Variants in JAM2 observed in about 807,000 individuals in gnomAD.
The protein encoded by JAM2 is junctional adhesion molecule B.
JAM2 carries 17 observed loss-of-function variants against 42.0 expected under a neutral mutation model. The ratio of observed to expected loss-of-function variants is 0.40; its 90% CI spans 0.28 to 0.61. The LOEUF (loss-of-function observed/expected upper bound fraction) is 0.61, where lower values mean the gene tolerates loss of function less well. JAM2 is among the 20% of genes least tolerant of loss of function. The pLI is 0.37. For synonymous variants in JAM2, 118 were observed against 128.6 expected, an observed-to-expected ratio of 0.92 and a Z score of 0.56; for missense variants, 319 against 358.3, an observed-to-expected ratio of 0.89 and a Z score of 0.89.
rs57114985 is a variant in JAM2, at chr21:25,665,877, C to T, written c.68-18006C>T. On this transcript the variant is annotated intron_variant, in intron 1 of 9. Coordinates refer to ENST00000480456, the MANE Select transcript of JAM2 (RefSeq NM_021219.4). ...CAAACATGGCAAAATCCCATCTCTA[C>T]TAAAATGCAAAAATGAGCCAGGCGT... 9.9e-3 allele frequency among the ~76,000 whole-genome samples: 1,510 copies of T among 152,092 alleles called. 33 individuals are homozygous for T. Among genetic ancestry groups the T allele is most frequent in the African/African-American group, 0.034 (1,416 of 41,462 alleles).
At position 25,696,406 on chromosome 21, in the gene JAM2, G is replaced by A. The variant is rs549240526; in HGVS notation, c.395-2271G>A. On this transcript the variant is annotated intron_variant, in intron 4 of 9. Coordinates refer to ENST00000480456, the MANE Select transcript of JAM2 (RefSeq NM_021219.4). Reference sequence around the variant, plus strand: ...AGACGGAGACAGAGAGGGAGGGAGAGGGAGGAGGAGGGGGAGAGGGAGAGG... The same window carrying A: ...AGACGGAGACAGAGAGGGAGGGAGAAGGAGGAGGAGGGGGAGAGGGAGAGG... Among the ~76,000 whole-genome samples the A allele has an allele frequency of 5.3e-5, 8 of 152,224 alleles. No individual in the cohort carries two copies. The South Asian group carries it at 1.2e-3, about 24-fold the overall frequency.
At chr21:25,655,482 T>G (rs2032908592) in intron 1 of JAM2, among the ~76,000 whole-genome samples, 1 of 137,712 alleles carries the variant, frequency 7.3e-6, no homozygotes, top group South Asian at 2.2e-4. Flanking sequence ...AAACATCAGC[T>G]CTTTTTTTTT....
At chr21:25,703,609 T>C (rs1364828900) in intron 6 of JAM2, among the ~76,000 whole-genome samples, 1 of 152,190 alleles carries the variant, frequency 6.6e-6, no homozygotes, top group Non-Finnish European at 1.5e-5. Flanking sequence ...AAAGAAATTT[T>C]TTCAAAGTGC....
chr21:25,712,007 A>G (rs145884013), intron 8 of JAM2: 1 of 235,820 alleles, frequency 4.2e-6, no homozygotes, highest in Non-Finnish European at 8.4e-6. Context: ...AGATTATAAT[A>G]GTCAAGCTTT....
At chr21:25,643,913 A>G (rs1425361728) in intron 1 of JAM2, 5 of 152,126 alleles carry the variant, frequency 3.3e-5, no homozygotes. Context: ...CCTCATAGAG[A>G]AGATGTATTG....
chr21:25,703,747 C>T (rs2034214446), intron 6 of JAM2, among the ~76,000 whole-genome samples: 3 of 130,206 alleles, frequency 2.3e-5, no homozygotes, highest in African/African-American at 6.0e-5. Flanking sequence ...TGGTACCTTC[C>T]TTTTATAAAG....
Position 25,705,990 on chromosome 21 carries a change from A to C in JAM2, c.709A>C (p.Ile237Leu). Residue 237 changes from isoleucine (I) to leucine (L), a missense_variant, in exon 7 of 10, where the codon ATA (isoleucine) becomes CTA (leucine). Physicochemically the swap from Ile to Leu is conservative, Grantham distance 5 (BLOSUM62 2). Coordinates refer to ENST00000480456, the MANE Select transcript of JAM2 (RefSeq NM_021219.4). ...GKRMQVDDLN[I>L]SGIIAAVVVV... is the part of the protein sequence containing the mutation. ...ATTTTACATTCCAGATGATCTCAACATAAGTGGCATCATAGCAGCCGTAGT... is the reference window on the plus strand; with the variant it reads ...ATTTTACATTCCAGATGATCTCAACCTAAGTGGCATCATAGCAGCCGTAGT... 1 of 1,609,502 alleles carries C rather than the reference A, an allele frequency of 6.2e-7. No homozygotes were observed. The highest frequency in any genetic ancestry group is 8.5e-7 in the Non-Finnish European group (1 of 1,175,792).
rs181792977 is a variant in JAM2, at chr21:25,673,065, T to A, written c.68-10818T>A. ...AATGAATTGTGTTTGGCTGAGATTG[T>A]CACTTGGGGAAAATCAAAGACTACA... On this transcript the variant is annotated intron_variant, in intron 1 of 9. Coordinates refer to ENST00000480456, the MANE Select transcript of JAM2 (RefSeq NM_021219.4). 2.2e-3 allele frequency among the ~76,000 whole-genome samples: 330 copies of A among 152,338 alleles called. 1 individual carries two copies. Among genetic ancestry groups the A allele is most frequent in the African/African-American group, 7.6e-3 (314 of 41,572 alleles).
At chr21:25,710,609 G>A (rs1436496387) in intron 8 of JAM2, among the ~76,000 whole-genome samples, 1 of 152,150 alleles carries the variant, frequency 6.6e-6, no homozygotes, top group Admixed American at 6.5e-5. Flanking sequence ...CAAATTGAAA[G>A]ATCCTGAGGC....
At position 25,669,624 on chromosome 21, in the gene JAM2, A is replaced by G. The variant is rs138064099; in HGVS notation, c.68-14259A>G. Among the ~76,000 whole-genome samples the G allele has an allele frequency of 2.6e-5, 4 of 152,308 alleles. No homozygotes were observed. In the East Asian group the frequency reaches 7.7e-4, roughly 29 times the overall value. ...GCAATTATGTACATGATTTTATTTC[A>G]TCTTTACAACCAGCTAGGGAAGGCA... On this transcript the variant is annotated intron_variant, in intron 1 of 9. Coordinates refer to ENST00000480456, the MANE Select transcript of JAM2 (RefSeq NM_021219.4).
At chr21:25,651,199 T>C (rs967053601) in intron 1 of JAM2, among the ~76,000 whole-genome samples, 19 of 152,056 alleles carry the variant, frequency 1.2e-4, no homozygotes, top group African/African-American at 4.3e-4. Context: ...GGAAAGGATA[T>C]TTGTAAGTTA....
At position 25,710,971 on chromosome 21, in the gene JAM2, CT is replaced by C. The variant is rs1010616047; in HGVS notation, c.822-1368del. ...TGGTGCCAAAGCAGTGTTGGAGATG[CT>C]GAGAAGTGACAGTGTTTTGGATATA... On this transcript the variant is annotated intron_variant, in intron 8 of 9. Transcript: ENST00000480456. 2.0e-4 allele frequency among the ~76,000 whole-genome samples: 30 copies of C among 152,282 alleles called. 1 individual carries two copies. In the South Asian group the frequency reaches 4.6e-3, roughly 23 times the overall value.
At chr21:25,649,740 C>A (rs2032720708) in intron 1 of JAM2, among the ~76,000 whole-genome samples, 1 of 152,110 alleles carries the variant, frequency 6.6e-6, no homozygotes, top group Middle Eastern at 3.2e-3. Context: ...ACAATAGAGA[C>A]TGTTTTAGTC....
intron 1 of JAM2, among the ~76,000 whole-genome samples, chr21:25,658,166 G>A (rs897259618): frequency 1.3e-5 from 2 of 152,008 alleles, no homozygotes; most frequent in African/African-American, 4.8e-5. Context: ...AAATCGTTTA[G>A]GAAAAGTAGA....
chr21:25,706,122 T>C (rs1423078756), intron 7 of JAM2, 36 bp downstream of exon 7: 1 of 1,254,936 alleles, frequency 8.0e-7, no homozygotes, highest in African/African-American at 1.5e-5. Flanking sequence ...CAGATAACTT[T>C]CTATGGCTAT....
chr21:25,712,240 C>T, intron 8 of JAM2, 100 bp from the exon 9 acceptor site: 1 of 816,316 alleles, frequency 1.2e-6, no homozygotes, highest in African/African-American at 1.7e-5. Context: ...CATGTTCTTG[C>T]TGAGAAAATG....
At chr21:25,649,122 C>T (rs896191176) in intron 1 of JAM2, among the ~76,000 whole-genome samples, 1 of 152,164 alleles carries the variant, frequency 6.6e-6, no homozygotes, top group African/African-American at 2.4e-5. Flanking sequence ...ACATAAGTTC[C>T]TCTTGAATTA....
At chr21:25,680,091 T>G (rs947175818) in intron 1 of JAM2, among the ~76,000 whole-genome samples, 3 of 152,194 alleles carry the variant, frequency 2.0e-5, no homozygotes, top group Non-Finnish European at 4.4e-5. Flanking sequence ...AAATGTTAGC[T>G]ATTATTATCC....
chr21:25,673,901 G>T (rs2033419155), intron 1 of JAM2, among the ~76,000 whole-genome samples: 1 of 152,208 alleles, frequency 6.6e-6, no homozygotes, highest in Non-Finnish European at 1.5e-5. Flanking sequence ...CATGAGGGCA[G>T]TTTCCCCCAT....
Sources: allele counts gnomAD v4.1 joint callset (sites outside exome capture counted in the v4.1 genomes callset), GRCh38; gene constraint gnomAD v4.1.1; transcripts MANE v1.5; gene names NCBI Gene and HGNC (gene_info 2026-07-23, HGNC 2026-07-21).